TNFAIP8L3: variants seen among roughly 807,000 people sequenced by gnomAD.
TNFAIP8L3 encodes the protein TNF alpha induced protein 8 like 3, also known as tumor necrosis factor alpha-induced protein 8-like protein 3.
Under a neutral mutation model 11.8 loss-of-function variants are expected in TNFAIP8L3, and 7 were observed. The observed-to-expected ratio is 0.59, with a 90% CI of 0.34 to 1.11. The LOEUF is 1.11. TNFAIP8L3 is among the 50% of genes most tolerant of loss of function. The pLI, the probability that TNFAIP8L3 is intolerant of heterozygous loss-of-function variation, is 0.03. For synonymous variants in TNFAIP8L3, 98 were observed against 103.8 expected (o/e 0.94, Z 0.34); for missense variants, 219 against 258.6 (o/e 0.85, Z 1.05).
At chr15:51,102,784 T>TA (rs1161299803) in intron 1 of TNFAIP8L3, among the ~76,000 whole-genome samples, 1 of 152,224 alleles carries the variant, frequency 6.6e-6, no homozygotes, top group African/African-American at 2.4e-5. Context: ...GACTTCCTGC[T>TA]ACTTCCTTTA....
intron 1 of TNFAIP8L3, among the ~76,000 whole-genome samples, chr15:51,092,273 C>T (rs1417840997): frequency 1.3e-5 from 2 of 152,266 alleles, no homozygotes; most frequent in Non-Finnish European, 2.9e-5. Flanking sequence ...TTCTCAGTTA[C>T]ACCCATTCAG....
chr15:51,103,168 A>G (rs1303983711), intron 1 of TNFAIP8L3, among the ~76,000 whole-genome samples: 1 of 152,136 alleles, frequency 6.6e-6, no homozygotes, highest in East Asian at 1.9e-4. Context: ...GTTCAAAGCA[A>G]TCTGCCTGGT....
In TNFAIP8L3 at chr15:51,057,800, G is replaced by A; in HGVS notation, c.*81C>T. The A allele has an allele frequency of 8.1e-7, 1 of 1,233,696 alleles. No individual in the cohort carries two copies. Among genetic ancestry groups the A allele is most frequent in the Non-Finnish European group, 1.1e-6 (1 of 882,496 alleles). 76.4% of individuals were successfully genotyped at this position (1,233,696 alleles called of 1,614,324 possible). A position where few individuals can be genotyped will look rare whatever the true frequency, so the allele number is the denominator to read the frequency against. On this transcript the variant is annotated 3_prime_UTR_variant, in exon 2 of 2. Transcript: ENST00000637513. ...ATGGACATCTTTGACAAGGGTTTCT[G>A]CTTATGTTCTTGATTCTCACCCAGA...
At chr15:51,070,540 A>G (rs1340099240) in intron 1 of TNFAIP8L3, among the ~76,000 whole-genome samples, 1 of 152,206 alleles carries the variant, frequency 6.6e-6, no homozygotes, top group Non-Finnish European at 1.5e-5. Context: ...AAACCAAGGC[A>G]AAGAGAGATT....
chr15:51,096,885 C>A (rs1173943658), upstream of TNFAIP8L3, among the ~76,000 whole-genome samples: 1 of 117,692 alleles, frequency 8.5e-6, no homozygotes, highest in Non-Finnish European at 1.7e-5. Flanking sequence ...GAGCAACACG[C>A]TGTCTCAAAA....
Position 51,063,197 on chromosome 15 carries a change from G to T in TNFAIP8L3, c.53-4754C>A, listed in dbSNP as rs943501833. ...ATTGGTGTCTTAAGCCACTGAATTTGTGGTAATTTGTTACAGCAGCAATAG... is the reference window on the plus strand; with the variant it reads ...ATTGGTGTCTTAAGCCACTGAATTTTTGGTAATTTGTTACAGCAGCAATAG... On this transcript the variant is annotated intron_variant, in intron 1 of 1. Transcript: ENST00000637513. Among the ~76,000 whole-genome samples, 16 of 152,214 alleles carry T rather than the reference G, an allele frequency of 1.1e-4. 1 individual carries two copies. The highest frequency in any genetic ancestry group is 2.2e-4 in the Non-Finnish European group (15 of 68,040).
chr15:51,073,072 C>G (rs1040081613), intron 1 of TNFAIP8L3, among the ~76,000 whole-genome samples: 1 of 146,272 alleles, frequency 6.8e-6, no homozygotes, highest in African/African-American at 2.5e-5. Flanking sequence ...TCTCGGCTCA[C>G]TGCAACCTCC....
rs973986774 is a variant in TNFAIP8L3 at position 51,061,949 on chromosome 15, G to T, written c.53-3506C>A. On this transcript the variant is annotated intron_variant, in intron 1 of 1. Coordinates refer to ENST00000637513, the MANE Select transcript of TNFAIP8L3 (RefSeq NM_001311175.2). Reference sequence around the variant, plus strand: ...TGAATTTCACATCAACTCTTTGTTTGCCAGGAGGTTTTGTACCCCCAGGGC... The same window carrying T: ...TGAATTTCACATCAACTCTTTGTTTTCCAGGAGGTTTTGTACCCCCAGGGC... Among the ~76,000 whole-genome samples the T allele has an allele frequency of 1.6e-4, 25 of 152,252 alleles. 1 individual carries two copies. Among genetic ancestry groups the T allele is most frequent in the African/African-American group, 5.8e-4 (24 of 41,538 alleles).
intron 1 of TNFAIP8L3, among the ~76,000 whole-genome samples, chr15:51,081,566 C>T (rs973572258): frequency 2.0e-5 from 3 of 152,218 alleles, no homozygotes; most frequent in Non-Finnish European, 4.4e-5. Flanking sequence ...TAGCACCAAC[C>T]TCCACCCTCT....
At chr15:51,061,460 ATG>A (rs1161600724) in intron 1 of TNFAIP8L3, among the ~76,000 whole-genome samples, 47 of 152,260 alleles carry the variant, frequency 3.1e-4, no homozygotes, top group Non-Finnish European at 5.4e-4. Flanking sequence ...ATTCTTTTAA[ATG>A]TGTCCAATGT....
intron 1 of TNFAIP8L3, among the ~76,000 whole-genome samples, chr15:51,103,399 T>C (rs1435339213): frequency 6.6e-6 from 1 of 152,230 alleles, no homozygotes; most frequent in African/African-American, 2.4e-5. Flanking sequence ...ATATCAACTT[T>C]ATTTCATTTC....
At chr15:51,104,178 A>G (rs948449550) in intron 1 of TNFAIP8L3, among the ~76,000 whole-genome samples, 5 of 152,174 alleles carry the variant, frequency 3.3e-5, no homozygotes, top group African/African-American at 1.2e-4. Context: ...TCCTATCAAC[A>G]TCTGATGCTA....
chr15:51,100,490 G>T (rs1282798800), intron 1 of TNFAIP8L3, among the ~76,000 whole-genome samples: 2 of 152,124 alleles, frequency 1.3e-5, no homozygotes, highest in East Asian at 3.9e-4. Context: ...ACAGGTAAGA[G>T]AAGACAAAAT....
At chr15:51,093,434 A>C (rs747143992) in intron 1 of TNFAIP8L3, among the ~76,000 whole-genome samples, 6 of 152,222 alleles carry the variant, frequency 3.9e-5, no homozygotes, top group Non-Finnish European at 8.8e-5. Flanking sequence ...TGAGGATGAA[A>C]GGGTATTAAT....
chr15:51,061,296 C>T (rs2065241215), intron 1 of TNFAIP8L3, among the ~76,000 whole-genome samples: 1 of 152,094 alleles, frequency 6.6e-6, no homozygotes, highest in Non-Finnish European at 1.5e-5. Context: ...GTACACTGTG[C>T]CCAGCCCATA....
At chr15:51,081,203 G>A (rs546766667) in intron 1 of TNFAIP8L3, among the ~76,000 whole-genome samples, 8 of 152,324 alleles carry the variant, frequency 5.3e-5, no homozygotes, top group African/African-American at 1.7e-4. Flanking sequence ...CTGGGCCTGA[G>A]ATGGGCTAGG....
intron 1 of TNFAIP8L3, among the ~76,000 whole-genome samples, chr15:51,103,103 C>A (rs1203914813): frequency 6.6e-6 from 1 of 152,002 alleles, no homozygotes; most frequent in African/African-American, 2.4e-5. Context: ...CCAACATTTT[C>A]TTTCCCGCCA....
chr15:51,098,224 TCTC>T (rs548288765), upstream of TNFAIP8L3, among the ~76,000 whole-genome samples: 24 of 152,322 alleles, frequency 1.6e-4, no homozygotes, highest in South Asian at 5.0e-3. Flanking sequence ...CATCTGCCTG[TCTC>T]CTCTTGTGGG....
chr15:51,069,185 G>T (rs2065291771), intron 1 of TNFAIP8L3, among the ~76,000 whole-genome samples: 1 of 152,188 alleles, frequency 6.6e-6, no homozygotes, highest in African/African-American at 2.4e-5. Context: ...GTGCCCCTGA[G>T]ATCCTGCCTT....
Sources: gnomAD v4.1 joint callset for allele counts (sites outside exome capture counted in the v4.1 genomes callset) on GRCh38, gnomAD v4.1.1 for gene constraint, MANE v1.5 for transcripts, NCBI Gene and HGNC (gene_info 2026-07-23, HGNC 2026-07-21) for gene names.